The following SP1 variants were observed in gnomAD, a reference collection of about 807,000 sequenced individuals.
SP1 encodes Sp1 transcription factor.
A neutral mutation model predicts 66.3 loss-of-function variants in SP1; 6 were observed. The ratio of observed to expected loss-of-function variants is 0.09; its 90% confidence interval spans 0.05 to 0.18. The LOEUF is 0.18. Ranked by LOEUF, SP1 falls within the 10% of genes least tolerant of loss-of-function variation. The probability of loss-of-function intolerance (pLI) is 1.00; values close to 1 mark genes in which losing one functional copy is unlikely to be tolerated. For synonymous variants in SP1, 417 were observed against 360.8 expected (o/e 1.16, Z -1.77); for missense variants, 848 against 964.5 (o/e 0.88, Z 1.60).
intron 4 of SP1, among the ~76,000 whole-genome samples, chr12:53,408,427 G>C (rs559469762): frequency 6.6e-6 from 1 of 150,446 alleles, no homozygotes; most frequent in South Asian, 2.1e-4. Context: ...GTAGAGATGG[G>C]GACCATGTTG....
chr12:53,402,662 A>G (rs1391556897), intron 3 of SP1, among the ~76,000 whole-genome samples: 2 of 151,434 alleles, frequency 1.3e-5, no homozygotes, highest in African/African-American at 4.9e-5. Context: ...AAACTGGTGA[A>G]ACCCTGTCTC....
chr12:53,395,841 G>C (rs1403680897), intron 3 of SP1, among the ~76,000 whole-genome samples: 2 of 151,974 alleles, frequency 1.3e-5, no homozygotes, highest in African/African-American at 4.8e-5. Context: ...ACTGGGCGTA[G>C]CTGGGCATGG....
intron 3 of SP1, among the ~76,000 whole-genome samples, chr12:53,400,059 G>A (rs765599636): frequency 3.9e-5 from 6 of 152,238 alleles, no homozygotes; most frequent in East Asian, 1.9e-4. Context: ...CACCGGTCCC[G>A]GCTTAATCAT....
At chr12:53,384,048 C>T (rs1212300336) in intron 3 of SP1, among the ~76,000 whole-genome samples, 1 of 151,044 alleles carries the variant, frequency 6.6e-6, no homozygotes, top group Non-Finnish European at 1.5e-5. Flanking sequence ...CGGCTCACTG[C>T]AAGCTCCGCC....
At chr12:53,399,706 C>T (rs1043549887) in intron 3 of SP1, among the ~76,000 whole-genome samples, 2 of 151,762 alleles carry the variant, frequency 1.3e-5, no homozygotes, top group African/African-American at 2.4e-5. Flanking sequence ...GCACGATCTC[C>T]GGCTCACCGC....
intron 3 of SP1, among the ~76,000 whole-genome samples, chr12:53,388,832 T>G (rs2136896442): frequency 6.6e-6 from 1 of 152,032 alleles, no homozygotes; most frequent in East Asian, 1.9e-4. Flanking sequence ...ATATGAAAAT[T>G]ACCTGAGCAT....
intron 3 of SP1, among the ~76,000 whole-genome samples, chr12:53,396,452 C>T (rs1938492476): frequency 6.6e-6 from 1 of 151,942 alleles, no homozygotes; most frequent in Non-Finnish European, 1.5e-5. Flanking sequence ...CCTGTAATCT[C>T]AGCTACTCAG....
intron 4 of SP1, among the ~76,000 whole-genome samples, chr12:53,407,148 T>A (rs1370324556): frequency 1.3e-5 from 2 of 150,106 alleles, no homozygotes; most frequent in African/African-American, 4.9e-5. Context: ...TTTTTAGGAT[T>A]TAAGACTCAG....
Position 53,382,393 on chromosome 12 carries a change from T to G in SP1, c.446T>G (p.Val149Gly). The G allele has an allele frequency of 6.2e-7, 1 of 1,614,190 alleles. No individual in the cohort carries two copies. The highest frequency in any genetic ancestry group is 8.5e-7 in the Non-Finnish European group (1 of 1,180,032). The change falls in exon 3 of 6, where the codon GTG becomes GGG. Residue 149 changes from valine to glycine, a missense_variant. Val to Gly is a moderately radical substitution (Grantham distance 109). This residue lies in a region of SP1 where 606 missense variants were observed against 589.9 expected (regional missense o/e 1.03). Coordinates refer to ENST00000327443, the MANE Select transcript of SP1 (RefSeq NM_138473.3). The stretch of plus-strand genomic sequence containing the variant: ...ACAGTCTCTGGTGGGCAGTATGTTG[T>G]GGCTGCCGCTCCCAACTTACAGAAC... ...NRTVSGGQYV[V>G]AAAPNLQNQQ...
In SP1 at chr12:53,383,274, G is replaced by C; in HGVS notation, c.1327G>C (p.Val443Leu). 1 of 1,614,216 alleles carries C rather than the reference G, an allele frequency of 6.2e-7. No individual in the cohort carries two copies. The highest frequency in any genetic ancestry group is 1.1e-5 in the South Asian group (1 of 91,078). Residue 443 changes from valine to leucine, a missense_variant, in exon 3 of 6, where the codon GTT becomes CTT. By Grantham distance (32) the Val-to-Leu change is conservative. This residue lies in a region of SP1 where 606 missense variants were observed against 589.9 expected (regional missense o/e 1.03). Transcript: ENST00000327443. Reference protein sequence around the residue: ...ETLQNLQLQAVPNSGPIIIRT... With the variant: ...ETLQNLQLQALPNSGPIIIRT... The stretch of plus-strand genomic sequence containing the variant: ...CCTCCAGAACCTCCAGCTTCAGGCT[G>C]TTCCAAACTCTGGTCCCATCATCAT...
intron 3 of SP1, among the ~76,000 whole-genome samples, chr12:53,390,844 G>C (rs781380064): frequency 1.3e-5 from 2 of 152,088 alleles, no homozygotes; most frequent in Non-Finnish European, 2.9e-5. Flanking sequence ...GGCCATTTTA[G>C]TTCTTAATTA....
chr12:53,405,790 C>A (rs1269220104), intron 3 of SP1, among the ~76,000 whole-genome samples: 2 of 152,008 alleles, frequency 1.3e-5, no homozygotes, highest in African/African-American at 4.8e-5. Flanking sequence ...ATTAGGGTTT[C>A]AACTTTTGGT....
rs758005129 is a variant in SP1, at chr12:53,382,455, A to G, written c.508A>G (p.Asn170Asp). 1.9e-6 allele frequency: 3 copies of G among 1,614,048 alleles called. No individual in the cohort carries two copies. ...VLTGLPGVMP[N>D]IQYQVIPQFQ... ...GACAGGACTACCTGGAGTGATGCCT[A>G]ATATTCAGTATCAAGTAATCCCACA... Residue 170 changes from asparagine to aspartate, a missense_variant, in exon 3 of 6, where the codon AAT (asparagine) becomes GAT (aspartate). Transcript: ENST00000327443.
rs540410917 is a variant in SP1, at chr12:53,386,939, TG to T, written c.1675+3318del. Reference sequence around the variant, plus strand: ...AATAATATCACCCAACTTCTAGGTTTGTTTTTTTTTTTTTTTTCGTTTTCTT... The same window carrying T: ...AATAATATCACCCAACTTCTAGGTTTTTTTTTTTTTTTTTTTCGTTTTCTT... On this transcript the variant is annotated intron_variant, in intron 3 of 5. Coordinates refer to ENST00000327443, the MANE Select transcript of SP1 (RefSeq NM_138473.3). 5.8e-4 allele frequency among the ~76,000 whole-genome samples: 82 copies of T among 141,020 alleles called. 2 individuals are homozygous for T. The highest frequency in any genetic ancestry group is 1.0e-3 in the Admixed American group (15 of 14,832). 92.5% of individuals were successfully genotyped at this position (141,020 alleles called of 152,430 possible).
At chr12:53,390,548 C>T (rs539612097) in intron 3 of SP1, among the ~76,000 whole-genome samples, 12 of 152,092 alleles carry the variant, frequency 7.9e-5, no homozygotes, top group Middle Eastern at 3.4e-3. Context: ...CCGGGCATGG[C>T]GGCGCGCACC....
At chr12:53,380,375 C>G in intron 1 of SP1, 77 bp downstream of exon 1, 1 of 1,276,966 alleles carries the variant, frequency 7.8e-7, no homozygotes, top group Non-Finnish European at 1.0e-6. Context: ...CGGGCGATCC[C>G]CGCCGTGAAG....
At chr12:53,398,846 C>G (rs977536716) in intron 3 of SP1, among the ~76,000 whole-genome samples, 1 of 152,092 alleles carries the variant, frequency 6.6e-6, no homozygotes, top group Non-Finnish European at 1.5e-5. Context: ...TCAAACAATG[C>G]AAAATTAATA....
intron 2 of SP1, 133 bp from the exon 3 acceptor site, chr12:53,381,977 C>A: frequency 8.9e-7 from 1 of 1,127,790 alleles, no homozygotes; most frequent in Non-Finnish European, 1.3e-6. Context: ...TTCAGCAATA[C>A]AGATAGGTCA....
At position 53,383,303 on chromosome 12, in the gene SP1, G is replaced by A. The variant is rs776642191; in HGVS notation, c.1356G>A (p.Arg452=). Residue 452 remains arginine (R), a synonymous_variant, in exon 3 of 6, where the codon CGG becomes CGA. Transcript: ENST00000327443. ...CAAACTCTGGTCCCATCATCATCCG[G>A]ACACCAACAGTGGGGCCCAATGGAC... ...AVPNSGPIII[R]TPTVGPNGQV... is the part of the protein sequence containing the mutation. The A allele has an allele frequency of 6.2e-7, 1 of 1,614,166 alleles. No individual in the cohort carries two copies. The highest frequency in any genetic ancestry group is 8.5e-7 in the Non-Finnish European group (1 of 1,180,036).
Sources: gnomAD v4.1 joint callset for allele counts (sites outside exome capture counted in the v4.1 genomes callset) on GRCh38, gnomAD v4.1.1 for gene constraint, gnomAD v4.1.1 regional missense constraint, MANE v1.5 for transcripts, NCBI Gene and HGNC (gene_info 2026-07-23, HGNC 2026-07-21) for gene names.